MB21D2: variants seen among roughly 807,000 people sequenced by gnomAD.
MB21D2 encodes Mab-21 domain containing 2, also known as nucleotidyltransferase MB21D2.
In MB21D2, 9 loss-of-function variants were observed where a neutral mutation model predicts 33.3. The ratio of observed to expected loss-of-function variants is 0.27; its 90% CI spans 0.16 to 0.47. The LOEUF is 0.47. Ranked by LOEUF, MB21D2 falls within the 20% of genes least tolerant of loss-of-function variation. The pLI is 0.99. For synonymous variants in MB21D2, 241 were observed against 236.3 expected (o/e 1.02, Z -0.18); for missense variants, 540 against 624.6 (o/e 0.86, Z 1.44).
At chr3:192,910,973 G>A (rs1714339785) in intron 1 of MB21D2, among the ~76,000 whole-genome samples, 1 of 152,176 alleles carries the variant, frequency 6.6e-6, no homozygotes, top group South Asian at 2.1e-4. Flanking sequence ...AACACATGAA[G>A]TACATATAAT....
chr3:192,822,794 T>C (rs1008652103), intron 1 of MB21D2, among the ~76,000 whole-genome samples: 46 of 152,346 alleles, frequency 3.0e-4, no homozygotes, highest in African/African-American at 1.1e-3. Flanking sequence ...AAAGAGGTAC[T>C]GCTGGTAGTT....
rs11294126 is a variant in MB21D2 at position 192,878,081 on chromosome 3, C to CTTTTTTTTTTTTTTTTTTTTT, written c.211+39548_211+39549insAAAAAAAAAAAAAAAAAAAAA. Among the ~76,000 whole-genome samples, 35 of 119,504 alleles carry CTTTTTTTTTTTTTTTTTTTTT rather than the reference C, an allele frequency of 2.9e-4. 1 individual carries two copies. Among genetic ancestry groups the CTTTTTTTTTTTTTTTTTTTTT allele is most frequent in the Admixed American group, 3.8e-4 (4 of 10,442 alleles). The allele number at this position is 119,504 out of a possible 152,430, so 78.4% of individuals were successfully genotyped here. ...GAAACATCTTCAAACAATTCCTCCT[C>CTTTTTTTTTTTTTTTTTTTTT]TTTTTTTTTTTTTTTTTTTTGGTTT... On this transcript the variant is annotated intron_variant, in intron 1 of 1. Coordinates refer to ENST00000392452, the MANE Select transcript of MB21D2 (RefSeq NM_178496.4).
chr3:192,848,833 G>C (rs1323690347), intron 1 of MB21D2, among the ~76,000 whole-genome samples: 1 of 152,164 alleles, frequency 6.6e-6, no homozygotes. Flanking sequence ...AACCCATCCA[G>C]CAAAACCAGG....
At chr3:192,822,708 T>C (rs1466241548) in intron 1 of MB21D2, among the ~76,000 whole-genome samples, 1 of 152,214 alleles carries the variant, frequency 6.6e-6, no homozygotes, top group African/African-American at 2.4e-5. Context: ...ATCACATTCA[T>C]TCACTTTGTA....
At chr3:192,808,265 A>C (rs1374603905) in intron 1 of MB21D2, among the ~76,000 whole-genome samples, 1 of 152,236 alleles carries the variant, frequency 6.6e-6, no homozygotes, top group Admixed American at 6.5e-5. Context: ...CACACTAATC[A>C]GATAATCACA....
At chr3:192,814,238 C>T (rs1402517226) in intron 1 of MB21D2, among the ~76,000 whole-genome samples, 2 of 152,022 alleles carry the variant, frequency 1.3e-5, no homozygotes, top group Non-Finnish European at 2.9e-5. Flanking sequence ...AGTACAGCTA[C>T]ACCCATCCCT....
chr3:192,834,829 T>TTTTTTG (rs1712398545), intron 1 of MB21D2, among the ~76,000 whole-genome samples: 1 of 149,024 alleles, frequency 6.7e-6, no homozygotes, highest in African/African-American at 2.5e-5. Flanking sequence ...TTTTTTTTTT[T>TTTTTTG]GAGACAGAGT....
At chr3:192,864,002 G>A (rs1713108707) in intron 1 of MB21D2, among the ~76,000 whole-genome samples, 1 of 152,174 alleles carries the variant, frequency 6.6e-6, no homozygotes, top group South Asian at 2.1e-4. Context: ...CCAAGAAAAT[G>A]TAAAAACATA....
At chr3:192,805,384 A>G (rs1464902908) in intron 1 of MB21D2, among the ~76,000 whole-genome samples, 1 of 152,252 alleles carries the variant, frequency 6.6e-6, no homozygotes, top group Non-Finnish European at 1.5e-5. Flanking sequence ...CTGAGTTATT[A>G]GTACTCACAA....
chr3:192,807,824 G>A (rs952093618), intron 1 of MB21D2, among the ~76,000 whole-genome samples: 1 of 152,154 alleles, frequency 6.6e-6, no homozygotes, highest in Non-Finnish European at 1.5e-5. Context: ...TAATGCTGAT[G>A]ATTTAGTGAG....
intron 1 of MB21D2, among the ~76,000 whole-genome samples, chr3:192,850,678 G>T (rs1712781131): frequency 1.3e-5 from 2 of 152,140 alleles, no homozygotes; most frequent in Non-Finnish European, 1.5e-5. Context: ...CCTGTCAGTG[G>T]ACTGGGAGCC....
rs1560223315 is a variant in MB21D2, at chr3:192,798,281, A to C, written c.*105T>G. On this transcript the variant is annotated 3_prime_UTR_variant, in exon 2 of 2. Transcript: ENST00000392452. This position sits in a 1 kb window ranked among gnomAD's most constrained non-coding sequence, Gnocchi z 4.8. ...GGAAACTTAAAATTTGTTCTTAACA[A>C]ATCCAATCTAGGCTGGATATGTAAA... 7.6e-7 allele frequency: 1 copy of C among 1,316,444 alleles called. No individual in the cohort carries two copies. The highest frequency in any genetic ancestry group is 1.4e-5 in the South Asian group (1 of 69,870). 81.5% of individuals were successfully genotyped at this position (1,316,444 alleles called of 1,614,324 possible).
chr3:192,867,760 G>A lies in MB21D2; in HGVS notation c.211+49870C>T, dbSNP rs1713200596. 2.6e-5 allele frequency among the ~76,000 whole-genome samples: 4 copies of A among 152,134 alleles called. No homozygotes were observed. In the South Asian group the frequency reaches 8.3e-4, roughly 32 times the overall value. ...TGTGACTGCTTGACAGAGTAAGAGG[G>A]AAGTGATGGTTTGCTAGTTTTCAGC... On this transcript the variant is annotated intron_variant, in intron 1 of 1. Transcript: ENST00000392452.
intron 1 of MB21D2, among the ~76,000 whole-genome samples, chr3:192,908,284 T>C (rs879853743): frequency 6.6e-6 from 1 of 152,030 alleles, no homozygotes; most frequent in Non-Finnish European, 1.5e-5. Flanking sequence ...CATGACCCCC[T>C]GGGTGCTGCA....
At chr3:192,828,627 T>TCC (rs1712240115) in intron 1 of MB21D2, among the ~76,000 whole-genome samples, 6 of 33,666 alleles carry the variant, frequency 1.8e-4, no homozygotes, top group South Asian at 8.3e-4. Flanking sequence ...TATATATATA[T>TCC]ATATATATAT....
intron 1 of MB21D2, among the ~76,000 whole-genome samples, chr3:192,910,589 C>A (rs11914577): frequency 0.044 from 6,758 of 152,286 alleles, 366 homozygotes; most frequent in African/African-American, 0.13. Context: ...CTACAAGTTT[C>A]AACTTATAGC....
intron 1 of MB21D2, among the ~76,000 whole-genome samples, chr3:192,826,808 G>A (rs1299417295): frequency 6.6e-6 from 1 of 152,138 alleles, no homozygotes. Context: ...GAGTGCAGAT[G>A]AGATTGGGGA....
At chr3:192,907,224 C>G (rs796620694) in intron 1 of MB21D2, among the ~76,000 whole-genome samples, 5 of 152,314 alleles carry the variant, frequency 3.3e-5, no homozygotes, top group African/African-American at 1.2e-4. Context: ...AACACTGTCA[C>G]AAGCCCTAAG....
Position 192,798,719 on chromosome 3 carries a change from C to T in MB21D2, c.1143G>A (p.Gln381=). 3.7e-6 allele frequency: 6 copies of T among 1,613,408 alleles called. No homozygotes were observed. Among genetic ancestry groups the T allele is most frequent in the East Asian group, 2.2e-5 (1 of 44,884 alleles). The change falls in exon 2 of 2, where the codon CAG becomes CAA. Residue 381 remains glutamine, a synonymous_variant. Transcript: ENST00000392452. The surrounding 1 kb of genome is among the most constrained non-coding windows in gnomAD (Gnocchi z 4.8). ...NKMCPNYFIP[Q]CNMLEHLSEE... Reference sequence around the variant, plus strand: ...CAGACAGATGTTCCAGCATGTTGCACTGAGGGATGAAATAATTGGGGCACA... The same window carrying T: ...CAGACAGATGTTCCAGCATGTTGCATTGAGGGATGAAATAATTGGGGCACA...
Sources: gnomAD v4.1 joint callset for allele counts (sites outside exome capture counted in the v4.1 genomes callset) on GRCh38, gnomAD v4.1.1 for gene constraint, Gnocchi (gnomAD v3.1) non-coding constraint, MANE v1.5 for transcripts, NCBI Gene and HGNC (gene_info 2026-07-23, HGNC 2026-07-21) for gene names.